LUZP2: variants seen among roughly 807,000 people sequenced by gnomAD.
LUZP2 encodes the protein leucine zipper protein 2.
Under a neutral mutation model 51.6 loss-of-function variants are expected in LUZP2, and 52 were observed. The observed-to-expected ratio is 1.01, with a 90% CI of 0.81 to 1.27. LUZP2 has a LOEUF of 1.27. Ranked by LOEUF, LUZP2 falls within the 50% of genes most tolerant of loss-of-function variation. The probability of loss-of-function intolerance (pLI) is 0.00; values close to 1 mark genes in which losing one functional copy is unlikely to be tolerated. For synonymous variants in LUZP2, 154 were observed against 137.3 expected (o/e 1.12, Z -0.85); for missense variants, 436 against 395.4 (o/e 1.10, Z -0.87).
chr11:24,565,238 T>C (rs1289833717), intron 1 of LUZP2, among the ~76,000 whole-genome samples: 1 of 152,128 alleles, frequency 6.6e-6, no homozygotes, highest in Non-Finnish European at 1.5e-5. Flanking sequence ...TTGATGTATA[T>C]ACTGGCCCCC....
chr11:24,876,925 G>T (rs1029503011), intron 5 of LUZP2, among the ~76,000 whole-genome samples: 2 of 152,104 alleles, frequency 1.3e-5, no homozygotes, highest in Non-Finnish European at 2.9e-5. Context: ...ATGAGAAGGG[G>T]TCTGGTTCTT....
chr11:24,733,750 AAT>A lies in LUZP2; in HGVS notation c.251+1563_251+1564del, dbSNP rs200260648. Among the ~76,000 whole-genome samples, 211 of 151,746 alleles carry A rather than the reference AAT, an allele frequency of 1.4e-3. 2 individuals are homozygous for A. The highest frequency in any genetic ancestry group is 8.0e-3 in the East Asian group (41 of 5,140). On this transcript the variant is annotated intron_variant, in intron 3 of 11. Coordinates refer to ENST00000336930, the MANE Select transcript of LUZP2 (RefSeq NM_001009909.4). ...TAATAAACTGTATTTTTTAAAAAAA[AAT>A]TTTAAAAAAACCATGAAAAGAGACC...
At chr11:25,042,112 A>C (rs1858082249) in intron 9 of LUZP2, among the ~76,000 whole-genome samples, 1 of 152,164 alleles carries the variant, frequency 6.6e-6, no homozygotes, top group Admixed American at 6.5e-5. Context: ...AAAACTTCAT[A>C]TATCAATTTG....
chr11:24,631,011 T>C (rs1395083707), intron 1 of LUZP2, among the ~76,000 whole-genome samples: 1 of 152,044 alleles, frequency 6.6e-6, no homozygotes, highest in Non-Finnish European at 1.5e-5. Context: ...TATTGGTGTA[T>C]AGAAGTACTA....
chr11:24,715,311 G>C (rs369785781), intron 1 of LUZP2, among the ~76,000 whole-genome samples: 2 of 147,702 alleles, frequency 1.4e-5, no homozygotes, highest in African/African-American at 5.0e-5. Context: ...GTGTGTGCAT[G>C]CGTATTTCTA....
At chr11:24,695,582 AT>A (rs1857221385) in intron 1 of LUZP2, among the ~76,000 whole-genome samples, 1 of 151,902 alleles carries the variant, frequency 6.6e-6, no homozygotes, top group Non-Finnish European at 1.5e-5. Context: ...TCTCACTGTA[AT>A]TTTTTTACTC....
chr11:24,703,603 A>G (rs1201751301), intron 1 of LUZP2, among the ~76,000 whole-genome samples: 1 of 152,020 alleles, frequency 6.6e-6, no homozygotes, highest in Non-Finnish European at 1.5e-5. Flanking sequence ...CAGGTGGATC[A>G]CCTGAGGTCA....
chr11:24,902,106 T>C (rs1403336158), intron 5 of LUZP2, among the ~76,000 whole-genome samples: 1 of 152,156 alleles, frequency 6.6e-6, no homozygotes, highest in Non-Finnish European at 1.5e-5. Context: ...AGGAAAATCA[T>C]TTACATTAAA....
At chr11:24,922,254 A>G (rs1264606817) in intron 7 of LUZP2, among the ~76,000 whole-genome samples, 6 of 152,242 alleles carry the variant, frequency 3.9e-5, no homozygotes, top group Admixed American at 3.9e-4. Context: ...CCACAGTGGC[A>G]TGTGTCATCA....
intron 1 of LUZP2, among the ~76,000 whole-genome samples, chr11:24,618,399 G>A (rs1854368201): frequency 6.6e-6 from 1 of 152,164 alleles, no homozygotes; most frequent in Non-Finnish European, 1.5e-5. Flanking sequence ...CCTCATGAGA[G>A]TGGAGGTCAG....
At chr11:24,917,547 A>C (rs909495030) in intron 7 of LUZP2, among the ~76,000 whole-genome samples, 1 of 152,132 alleles carries the variant, frequency 6.6e-6, no homozygotes, top group Non-Finnish European at 1.5e-5. Context: ...TTAGCTTTCT[A>C]CATATGGCTA....
At chr11:24,907,004 G>A (rs1705913198) in intron 6 of LUZP2, among the ~76,000 whole-genome samples, 2 of 152,114 alleles carry the variant, frequency 1.3e-5, no homozygotes, top group Admixed American at 1.3e-4. Flanking sequence ...TTTAAATTAT[G>A]GCATGACCAC....
At chr11:25,018,706 C>T (rs1226478154) in intron 9 of LUZP2, among the ~76,000 whole-genome samples, 1 of 147,764 alleles carries the variant, frequency 6.8e-6, no homozygotes, top group Non-Finnish European at 1.5e-5. Flanking sequence ...CTCCTGGGTT[C>T]AAGTGATTCT....
At position 24,578,663 on chromosome 11, in the gene LUZP2, A is replaced by C. The variant is rs1410576596; in HGVS notation, c.62+81358A>C. On this transcript the variant is annotated intron_variant, in intron 1 of 11. Coordinates refer to ENST00000336930, the MANE Select transcript of LUZP2 (RefSeq NM_001009909.4). ...GGATGCAGCTGGAGGCCTTATCCTA[A>C]AAAAATTAATGCAGAAACAGAAAAC... Among the ~76,000 whole-genome samples, 3 of 152,228 alleles carry C rather than the reference A, an allele frequency of 2.0e-5. No homozygotes were observed. The East Asian group carries it at 5.8e-4, about 29-fold the overall frequency.
In LUZP2 at chr11:25,077,335, A is replaced by C. The variant is rs1859340107; in HGVS notation, c.865A>C (p.Arg289=). 2 of 1,612,012 alleles carry C rather than the reference A, an allele frequency of 1.2e-6. No individual in the cohort carries two copies. Among genetic ancestry groups the C allele is most frequent in the Middle Eastern group, 1.7e-4 (1 of 6,058 alleles). The change falls in exon 11 of 12, where the codon AGA becomes CGA. Residue 289 remains arginine (R), a synonymous_variant. Transcript: ENST00000336930. ...TTACDSQDEG[R]PCSMKHKESP... is the part of the protein sequence containing the mutation. Reference sequence around the variant, plus strand: ...TTAATTGCTACTTTTGTAGGAGGGCAGACCGTGTTCCATGAAGCACAAAGA... The same window carrying C: ...TTAATTGCTACTTTTGTAGGAGGGCCGACCGTGTTCCATGAAGCACAAAGA...
intron 5 of LUZP2, among the ~76,000 whole-genome samples, chr11:24,882,012 T>C (rs955240944): frequency 6.6e-6 from 1 of 152,020 alleles, no homozygotes; most frequent in Non-Finnish European, 1.5e-5. Context: ...CTTAAATTCT[T>C]AGCTATGAAT....
rs139656202 is a variant in LUZP2, at chr11:24,763,296, C to T, written c.384C>T (p.Asp128=). ...EVERKSKMIR[D]LQNENKSLKN... is the part of the protein sequence containing the mutation. ...AAAGAAAGAGCAAAATGATCCGAGA[C>T]CTCCAGAATGAGGTAAGATATATTT... Residue 128 remains aspartate, a synonymous_variant, in exon 5 of 12, where the codon GAC becomes GAT. Coordinates refer to ENST00000336930, the MANE Select transcript of LUZP2 (RefSeq NM_001009909.4). 590 of 1,378,278 alleles carry T rather than the reference C, an allele frequency of 4.3e-4. 4 individuals carry two copies. The African/African-American group carries it at 7.4e-3, about 17-fold the overall frequency. 85.4% of individuals were successfully genotyped at this position (1,378,278 alleles called of 1,614,324 possible).
At chr11:24,822,768 G>A (rs1324898958) in intron 5 of LUZP2, among the ~76,000 whole-genome samples, 1 of 152,086 alleles carries the variant, frequency 6.6e-6, no homozygotes, top group East Asian at 1.9e-4. Flanking sequence ...TCTGTAACAT[G>A]ATTTAAAAAA....
chr11:24,983,992 C>T (rs909186818), intron 9 of LUZP2, among the ~76,000 whole-genome samples: 9 of 151,688 alleles, frequency 5.9e-5, no homozygotes, highest in African/African-American at 2.2e-4. Flanking sequence ...TTTCAATCTT[C>T]AAAAACTTCA....
Sources: allele counts gnomAD v4.1 joint callset (sites outside exome capture counted in the v4.1 genomes callset), GRCh38; gene constraint gnomAD v4.1.1; transcripts MANE v1.5; gene names NCBI Gene and HGNC (gene_info 2026-07-23, HGNC 2026-07-21).